Variants in MYO1D observed in about 807,000 individuals in gnomAD.
The protein encoded by MYO1D is myosin ID, also known as unconventional myosin-Id.
Under a neutral mutation model 122.0 loss-of-function variants are expected in MYO1D, and 83 were observed. The ratio of observed to expected loss-of-function variants is 0.68; its 90% confidence interval spans 0.57 to 0.82. The LOEUF is 0.82. Among genes scored for constraint, MYO1D ranks in the 40% least tolerant of loss-of-function variants. The pLI, the probability that MYO1D is intolerant of heterozygous loss-of-function variation, is 0.00. For missense variants in MYO1D, 1,157 were observed against 1,269.5 expected (o/e 0.91, Z 1.35); for synonymous variants, 464 against 446.9 (o/e 1.04, Z -0.48).
In MYO1D at chr17:32,580,289, A is replaced by ATTT. The variant is rs71144843; in HGVS notation, c.2864+24795_2864+24797dup. Reference sequence around the variant, plus strand: ...CTTCTATTGTTAGTCTGCTAAGAGGATTTTTTTTTTTTTTTTTTTTTTTTT... The same window carrying ATTT: ...CTTCTATTGTTAGTCTGCTAAGAGGATTTTTTTTTTTTTTTTTTTTTTTTTTTT... On this transcript the variant is annotated intron_variant, in intron 21 of 21. Transcript: ENST00000318217. 8.2e-4 allele frequency among the ~76,000 whole-genome samples: 32 copies of ATTT among 39,142 alleles called. 3 individuals are homozygous for ATTT. The highest frequency in any genetic ancestry group is 2.1e-3 in the African/African-American group (19 of 8,870). The allele number at this position is 39,142 out of a possible 152,430, so 25.7% of individuals were successfully genotyped here. A position where few individuals can be genotyped will look rare whatever the true frequency, so the allele number is the denominator to read the frequency against.
chr17:32,760,200 C>A (rs767046993), intron 10 of MYO1D, 90 bp downstream of exon 10: 2 of 1,112,100 alleles, frequency 1.8e-6, no homozygotes, highest in Non-Finnish European at 2.7e-6. Flanking sequence ...TCAAATACCC[C>A]CAAAAGATCA....
intron 16 of MYO1D, among the ~76,000 whole-genome samples, chr17:32,682,346 T>C (rs2150967788): frequency 6.6e-6 from 1 of 150,704 alleles, no homozygotes; most frequent in South Asian, 2.1e-4. Flanking sequence ...CTTCCTAGTC[T>C]CGATGGTCTT....
At chr17:32,506,651 G>C (rs1325482535) in intron 21 of MYO1D, among the ~76,000 whole-genome samples, 2 of 152,226 alleles carry the variant, frequency 1.3e-5, no homozygotes, top group East Asian at 1.9e-4. Flanking sequence ...AGTAAACCTA[G>C]ATGTGCAAAC....
At chr17:32,705,195 G>A (rs1176090820) in intron 16 of MYO1D, among the ~76,000 whole-genome samples, 1 of 151,846 alleles carries the variant, frequency 6.6e-6, no homozygotes, top group Non-Finnish European at 1.5e-5. Flanking sequence ...CACAGGATGT[G>A]AAACCTGTGT....
At chr17:32,755,803 C>T in intron 10 of MYO1D, 141 bp from the exon 11 acceptor site, 2 of 623,166 alleles carry the variant, frequency 3.2e-6, no homozygotes, top group Non-Finnish European at 5.3e-6. Context: ...AGGTCTTACG[C>T]TAAAAAGAGT....
At chr17:32,585,942 G>A (rs551676154) in intron 21 of MYO1D, among the ~76,000 whole-genome samples, 4 of 151,662 alleles carry the variant, frequency 2.6e-5, no homozygotes, top group East Asian at 1.9e-4. Context: ...ATATCATGTC[G>A]GCTACTTCTT....
intron 1 of MYO1D, among the ~76,000 whole-genome samples, chr17:32,813,099 G>A (rs973433787): frequency 6.6e-6 from 1 of 152,200 alleles, no homozygotes; most frequent in Admixed American, 6.5e-5. Flanking sequence ...TTCCCAATAT[G>A]TGAAAAGATA....
chr17:32,557,699 C>T (rs769406260), intron 21 of MYO1D, among the ~76,000 whole-genome samples: 37 of 151,864 alleles, frequency 2.4e-4, no homozygotes, highest in African/African-American at 7.5e-4. Context: ...GATGGGGTTT[C>T]GCTCAGCAAA....
At chr17:32,713,902 G>T (rs2089410309) in intron 15 of MYO1D, among the ~76,000 whole-genome samples, 1 of 152,044 alleles carries the variant, frequency 6.6e-6, no homozygotes, top group Non-Finnish European at 1.5e-5. Context: ...GGGATTATAG[G>T]CAAGAGCCAC....
At chr17:32,795,928 T>C (rs2090411672) in intron 1 of MYO1D, among the ~76,000 whole-genome samples, 1 of 152,050 alleles carries the variant, frequency 6.6e-6, no homozygotes, top group Admixed American at 6.5e-5. Flanking sequence ...CAGGTGCTCA[T>C]TAAAACAGCA....
chr17:32,571,580 A>G (rs996787647), intron 21 of MYO1D, among the ~76,000 whole-genome samples: 2 of 152,220 alleles, frequency 1.3e-5, no homozygotes, highest in African/African-American at 4.8e-5. Flanking sequence ...GGAAACTTCT[A>G]TAAGTCAAGA....
intron 16 of MYO1D, among the ~76,000 whole-genome samples, chr17:32,706,799 C>A (rs2089314193): frequency 6.6e-6 from 1 of 152,108 alleles, no homozygotes. Context: ...CGGGTTCACG[C>A]CATTCTCCTG....
At chr17:32,833,067 C>A (rs1187107791) in intron 1 of MYO1D, among the ~76,000 whole-genome samples, 3 of 152,158 alleles carry the variant, frequency 2.0e-5, no homozygotes, top group Non-Finnish European at 4.4e-5. Flanking sequence ...GACTTCTAAC[C>A]CAAATCTCAG....
chr17:32,823,249 T>C (rs1456255974), intron 1 of MYO1D, among the ~76,000 whole-genome samples: 1 of 152,056 alleles, frequency 6.6e-6, no homozygotes, highest in Non-Finnish European at 1.5e-5. Context: ...AAGACAAGCA[T>C]GAGCACAAAA....
chr17:32,611,463 G>A (rs2087701280), intron 20 of MYO1D, among the ~76,000 whole-genome samples: 1 of 151,946 alleles, frequency 6.6e-6, no homozygotes, highest in Non-Finnish European at 1.5e-5. Flanking sequence ...TAGAATAAAG[G>A]AAAAAATCTT....
chr17:32,581,613 C>T (rs1401415403), intron 21 of MYO1D, among the ~76,000 whole-genome samples: 1 of 151,512 alleles, frequency 6.6e-6, no homozygotes, highest in Non-Finnish European at 1.5e-5. Context: ...ACTTTGGCTA[C>T]CCTGGCTAGA....
chr17:32,657,588 G>A (rs1373829239), intron 17 of MYO1D, among the ~76,000 whole-genome samples: 5 of 152,260 alleles, frequency 3.3e-5, no homozygotes, highest in African/African-American at 9.6e-5. Flanking sequence ...TTGTGTGCAC[G>A]CACGTGTGCG....
chr17:32,548,097 C>A (rs2086980274), intron 21 of MYO1D, among the ~76,000 whole-genome samples: 1 of 152,092 alleles, frequency 6.6e-6, no homozygotes, highest in South Asian at 2.1e-4. Context: ...GGTTTGTCAC[C>A]TGCTGAAGAA....
intron 21 of MYO1D, chr17:32,498,314 G>A (rs2150850984): frequency 6.6e-6 from 1 of 152,402 alleles, no homozygotes; most frequent in South Asian, 2.1e-4. Flanking sequence ...TCCCAGGACT[G>A]TTTTCTAAGC....
Sources: gnomAD v4.1 joint callset for allele counts (sites outside exome capture counted in the v4.1 genomes callset) on GRCh38, gnomAD v4.1.1 for gene constraint, MANE v1.5 for transcripts, NCBI Gene and HGNC (gene_info 2026-07-23, HGNC 2026-07-21) for gene names.